Variants in SLIT1 observed in about 807,000 individuals in gnomAD.
SLIT1 encodes the protein slit guidance ligand 1.
Under a neutral mutation model 186.1 loss-of-function variants are expected in SLIT1, and 66 were observed. The ratio of observed to expected loss-of-function variants is 0.35; its 90% CI spans 0.29 to 0.44. The LOEUF is 0.44. Ranked by LOEUF, SLIT1 falls within the 20% of genes least tolerant of loss-of-function variation. The pLI is 1.00. For missense variants in SLIT1, 1,638 were observed against 2,037.4 expected, an observed-to-expected ratio of 0.80 and a Z score of 3.77; for synonymous variants, 761 against 833.8, an observed-to-expected ratio of 0.91 and a Z score of 1.50.
intron 5 of SLIT1, chr10:97,065,737 T>G: frequency 2.6e-6 from 1 of 388,444 alleles, no homozygotes; most frequent in Non-Finnish European, 4.8e-6. Context: ...CTAAATGGAC[T>G]GAGAACATTG....
intron 4 of SLIT1, among the ~76,000 whole-genome samples, chr10:97,131,622 C>G (rs1849655371): frequency 1.3e-5 from 2 of 152,232 alleles, no homozygotes; most frequent in Non-Finnish European, 2.9e-5. Context: ...GGCTCCACCA[C>G]CTTAAAGGCA....
In SLIT1 at chr10:97,082,103, G is replaced by A. The variant is rs11815120; in HGVS notation, c.414-16017C>T. Among the ~76,000 whole-genome samples the A allele has an allele frequency of 7.4e-3, 1,125 of 152,326 alleles. 14 individuals carry two copies. The highest frequency in any genetic ancestry group is 0.026 in the African/African-American group (1,080 of 41,572). ...ACATCACTAAGCTACTTCTATATGG[G>A]GTGAAGCTGAATCCTTCCCCAGTTT... On this transcript the variant is annotated intron_variant, in intron 4 of 36. Coordinates refer to ENST00000266058, the MANE Select transcript of SLIT1 (RefSeq NM_003061.3).
intron 1 of SLIT1, among the ~76,000 whole-genome samples, chr10:97,175,641 T>C (rs1461730705): frequency 6.6e-6 from 1 of 152,150 alleles, no homozygotes; most frequent in African/African-American, 2.4e-5. Flanking sequence ...AGGCCCAAAG[T>C]GCACCCCAGT....
At chr10:97,027,180 G>A (rs553176333) in intron 25 of SLIT1, among the ~76,000 whole-genome samples, 121 of 152,210 alleles carry the variant, frequency 7.9e-4, no homozygotes, top group Non-Finnish European at 1.4e-3. Flanking sequence ...AGCCGTGTGC[G>A]AGGGCCTCCC....
In SLIT1 at chr10:96,998,790, G is replaced by A. The variant is rs1848272399; in HGVS notation, c.*2322C>T. On this transcript the variant is annotated 3_prime_UTR_variant, in exon 37 of 37. Coordinates refer to ENST00000266058, the MANE Select transcript of SLIT1 (RefSeq NM_003061.3). ...GTGGGGCCGGTCAGGGGAGCCTTAA[G>A]CTCACATGGTGCTCCCTAGGAACAA... The A allele has an allele frequency of 6.6e-6, 1 of 152,382 alleles. No individual in the cohort carries two copies. The allele number at this position is 152,382 out of a possible 1,614,324, so 9.4% of individuals were successfully genotyped here.
At chr10:97,109,530 C>T (rs557925701) in intron 4 of SLIT1, among the ~76,000 whole-genome samples, 13 of 152,160 alleles carry the variant, frequency 8.5e-5, no homozygotes, top group South Asian at 2.1e-4. Flanking sequence ...GGGTTCCTGC[C>T]GCTCCATGCA....
chr10:97,070,380 CTTCTT>C (rs1848991464), intron 4 of SLIT1, among the ~76,000 whole-genome samples: 1 of 152,194 alleles, frequency 6.6e-6, no homozygotes, highest in African/African-American at 2.4e-5. Flanking sequence ...GGCTACATCA[CTTCTT>C]TTTGGGGGCC....
At chr10:97,171,676 G>A (rs944193583) in intron 1 of SLIT1, among the ~76,000 whole-genome samples, 4 of 152,042 alleles carry the variant, frequency 2.6e-5, no homozygotes, top group East Asian at 1.9e-4. Context: ...AAAATTAGCC[G>A]GGTGTGGTGG....
rs1848503830 is a variant in SLIT1 at position 97,021,713 on chromosome 10, C to T, written c.2583-300G>A. The stretch of plus-strand genomic sequence containing the variant: ...AAGTATCTGGGATTACAGACACACA[C>T]CGCCATGCACAGCTAATTTTTGTAT... On this transcript the variant is annotated intron_variant, in intron 25 of 36. Transcript: ENST00000266058. This position sits in a 1 kb window ranked among gnomAD's most constrained non-coding sequence, Gnocchi z 4.5. Among the ~76,000 whole-genome samples the T allele has an allele frequency of 1.3e-5, 2 of 152,122 alleles. No individual in the cohort carries two copies. The highest frequency in any genetic ancestry group is 2.4e-5 in the African/African-American group (1 of 41,418).
At chr10:97,180,031 G>A (rs1850313476) in intron 1 of SLIT1, among the ~76,000 whole-genome samples, 2 of 152,164 alleles carry the variant, frequency 1.3e-5, no homozygotes, top group African/African-American at 4.8e-5. Flanking sequence ...AAAAGAGCAC[G>A]GCCGCCCCTG....
Position 97,046,647 on chromosome 10 carries a change from C to T in SLIT1, c.1853+7G>A. 1.2e-6 allele frequency: 2 copies of T among 1,602,934 alleles called. No homozygotes were observed. Among genetic ancestry groups the T allele is most frequent in the South Asian group, 1.1e-5 (1 of 90,576 alleles). ...GCCCACCCTGCTCCCCAGCCCTGCA[C>T]ACTCACAGGGTCCTCAAGCCATCCA... On this transcript the variant is annotated splice_region_variant and intron_variant, in intron 18 of 36. Transcript: ENST00000266058.
At chr10:97,038,306 C>T (rs900046449) in intron 21 of SLIT1, among the ~76,000 whole-genome samples, 4 of 152,164 alleles carry the variant, frequency 2.6e-5, no homozygotes, top group African/African-American at 7.2e-5. Flanking sequence ...CCAGTGCCAC[C>T]GCTGCTCTCT....
At chr10:97,086,585 A>G (rs1036372965) in intron 4 of SLIT1, among the ~76,000 whole-genome samples, 1 of 152,228 alleles carries the variant, frequency 6.6e-6, no homozygotes, top group Non-Finnish European at 1.5e-5. Context: ...CCCTCCCAAA[A>G]AAAAGAAAGG....
chr10:97,048,905 GGGCA>G, intron 14 of SLIT1, 46 bp downstream of exon 14: 1 of 1,571,472 alleles, frequency 6.4e-7, no homozygotes, highest in Non-Finnish European at 8.6e-7. Context: ...GTGGGCAGGT[GGGCA>G]GGCAGGTAGG....
At chr10:97,051,881 A>G (rs1328474980) in intron 13 of SLIT1, among the ~76,000 whole-genome samples, 3 of 152,076 alleles carry the variant, frequency 2.0e-5, no homozygotes, top group African/African-American at 7.2e-5. Flanking sequence ...TCATAGCAAC[A>G]TTGTTCATAA....
At chr10:97,115,773 T>A (rs1414183083) in intron 4 of SLIT1, among the ~76,000 whole-genome samples, 7 of 152,186 alleles carry the variant, frequency 4.6e-5, no homozygotes, top group Non-Finnish European at 1.0e-4. Flanking sequence ...CTCACTGTAC[T>A]GTGAAAATGG....
chr10:97,013,673 C>T (rs1428106647), intron 30 of SLIT1, 68 bp downstream of exon 30: 2 of 1,176,078 alleles, frequency 1.7e-6, no homozygotes, highest in Non-Finnish European at 2.5e-6. Flanking sequence ...GCACGGAGCC[C>T]AGACTGGAAT....
rs112251007 is a variant in SLIT1, at chr10:97,092,413, A to C, written c.414-26327T>G. 3.9e-3 allele frequency among the ~76,000 whole-genome samples: 600 copies of C among 152,352 alleles called. 3 individuals carry two copies. Among genetic ancestry groups the C allele is most frequent in the African/African-American group, 0.011 (465 of 41,582 alleles). On this transcript the variant is annotated intron_variant, in intron 4 of 36. Transcript: ENST00000266058. ...GTGGGCCCAAGGATTTGTGAATATG[A>C]GAACAATGTGATTCAAAAGTCAGCC...
intron 31 of SLIT1, among the ~76,000 whole-genome samples, chr10:97,008,384 T>C (rs1177120713): frequency 6.6e-6 from 1 of 152,220 alleles, no homozygotes; most frequent in Non-Finnish European, 1.5e-5. Context: ...TGGATCAGTA[T>C]GCTTAATATT....
Sources: allele counts gnomAD v4.1 joint callset (sites outside exome capture counted in the v4.1 genomes callset), GRCh38; gene constraint gnomAD v4.1.1; non-coding constraint Gnocchi (gnomAD v3.1); transcripts MANE v1.5; gene names NCBI Gene and HGNC (gene_info 2026-07-23, HGNC 2026-07-21).